MAP2K4: variants seen among roughly 807,000 people sequenced by gnomAD.
The protein encoded by MAP2K4 is dual specificity mitogen-activated protein kinase kinase 4.
In MAP2K4, 4 loss-of-function variants were observed where a neutral mutation model predicts 48.5. That is an observed-to-expected ratio of 0.08 (90% CI 0.04 to 0.19). MAP2K4 has a LOEUF of 0.19. Among genes scored for constraint, MAP2K4 ranks in the 10% least tolerant of loss-of-function variants. MAP2K4 has a pLI of 1.00. For synonymous variants in MAP2K4, 166 were observed against 173.1 expected, an observed-to-expected ratio of 0.96 and a Z score of 0.32; for missense variants, 258 against 493.3, an observed-to-expected ratio of 0.52 and a Z score of 4.52.
At chr17:12,029,436 A>T (rs1401807346) in intron 1 of MAP2K4, among the ~76,000 whole-genome samples, 1 of 152,214 alleles carries the variant, frequency 6.6e-6, no homozygotes, top group East Asian at 1.9e-4. Flanking sequence ...CCCTACTTGT[A>T]ATGGGGAAAA....
intron 7 of MAP2K4, among the ~76,000 whole-genome samples, chr17:12,113,946 A>G (rs894261915): frequency 6.6e-6 from 1 of 152,058 alleles, no homozygotes; most frequent in Non-Finnish European, 1.5e-5. Flanking sequence ...CTGGATTTTG[A>G]TCTGTATTTG....
chr17:12,141,175 A>G lies in MAP2K4; in HGVS notation c.1115A>G (p.Glu372Gly). 6.2e-7 allele frequency: 1 copy of G among 1,613,560 alleles called. No individual in the cohort carries two copies. Among genetic ancestry groups the G allele is most frequent in the East Asian group, 2.2e-5 (1 of 44,868 alleles). Residue 372 changes from glutamate to glycine, a missense_variant, in exon 11 of 11, where the codon GAA becomes GGA. Physicochemically the swap from Glu to Gly is moderately conservative, Grantham distance 98. Transcript: ENST00000353533. ...CATCCCTTTATTTTGATGTATGAAGAACGTGCCGTTGAGGTCGCATGCTAT... is the reference window on the plus strand; with the variant it reads ...CATCCCTTTATTTTGATGTATGAAGGACGTGCCGTTGAGGTCGCATGCTAT... ...LKHPFILMYE[E>G]RAVEVACYVC...
At position 12,056,888 on chromosome 17, in the gene MAP2K4, G is replaced by A. The variant is rs147805834; in HGVS notation, c.218+1897G>A. 1.8e-3 allele frequency among the ~76,000 whole-genome samples: 267 copies of A among 152,110 alleles called. 3 individuals carry two copies. The highest frequency in any genetic ancestry group is 6.8e-3 in the Middle Eastern group (2 of 294). ...GTAGTTTGTGGGAGTTTTGAAATAA[G>A]ATATCTCTTAACATTTATATGTTTT... On this transcript the variant is annotated intron_variant, in intron 2 of 10. Transcript: ENST00000353533.
chr17:12,100,919 T>C (rs1037849754), intron 4 of MAP2K4, among the ~76,000 whole-genome samples: 3 of 152,130 alleles, frequency 2.0e-5, no homozygotes, highest in Admixed American at 6.5e-5. Context: ...TTTTTTGTTA[T>C]TCGGTTTTGG....
intron 1 of MAP2K4, among the ~76,000 whole-genome samples, chr17:12,028,519 T>C (rs1488164491): frequency 6.6e-6 from 1 of 152,242 alleles, no homozygotes; most frequent in Non-Finnish European, 1.5e-5. Flanking sequence ...AGAGCCATAA[T>C]GATATACTAT....
At position 12,020,949 on chromosome 17, in the gene MAP2K4, C is replaced by T. The variant is rs757028890; in HGVS notation, c.63C>T (p.Pro21=). ...GGGGCGGCAGCGGCAGCGGCACCCC[C>T]GGCCCCGTAGGGTCCCCGGCGCCAG... The part of the protein sequence containing the change: ...GSGGGSGSGT[P]GPVGSPAPGH... Residue 21 remains proline, a synonymous_variant, in exon 1 of 11, where the codon CCC becomes CCT. Coordinates refer to ENST00000353533, the MANE Select transcript of MAP2K4 (RefSeq NM_003010.4). The T allele has an allele frequency of 6.0e-4, 731 of 1,217,542 alleles. 4 individuals carry two copies. In the African/African-American group the frequency reaches 8.6e-3, roughly 14 times the overall value. The allele number at this position is 1,217,542 out of a possible 1,614,324, so 75.4% of individuals were successfully genotyped here. A position where few individuals can be genotyped will look rare whatever the true frequency, so the allele number is the denominator to read the frequency against.
In MAP2K4 at chr17:12,078,863, T is replaced by C. The variant is rs564153493; in HGVS notation, c.219-2493T>C. 1.3e-4 allele frequency among the ~76,000 whole-genome samples: 20 copies of C among 152,294 alleles called. No individual in the cohort carries two copies. The East Asian group carries it at 3.5e-3, about 26-fold the overall frequency. On this transcript the variant is annotated intron_variant, in intron 2 of 10. Transcript: ENST00000353533. ...CTGTGTATAGTCCTGTGGAAGCCATTGTGGTTGTACCTACTGTTAAAGCAA... is the reference window on the plus strand; with the variant it reads ...CTGTGTATAGTCCTGTGGAAGCCATCGTGGTTGTACCTACTGTTAAAGCAA...
intron 7 of MAP2K4, 142 bp downstream of exon 7, chr17:12,113,502 A>T (rs1972376839): frequency 2.1e-6 from 2 of 938,118 alleles, no homozygotes; most frequent in South Asian, 4.9e-5. Flanking sequence ...CTCAGGTCCT[A>T]GCCTCTCCAT....
chr17:12,132,016 A>C (rs1202707080), intron 9 of MAP2K4, among the ~76,000 whole-genome samples: 4 of 152,210 alleles, frequency 2.6e-5, no homozygotes, highest in African/African-American at 9.6e-5. Flanking sequence ...GGAGACATGC[A>C]GGTCAGAACT....
chr17:12,087,403 G>A (rs1317031577), intron 3 of MAP2K4, among the ~76,000 whole-genome samples: 1 of 152,072 alleles, frequency 6.6e-6, no homozygotes, highest in Non-Finnish European at 1.5e-5. Flanking sequence ...TGGATGATGT[G>A]GTTAGTAAAG....
chr17:12,044,331 T>C (rs1420123189), intron 1 of MAP2K4, among the ~76,000 whole-genome samples: 2 of 152,170 alleles, frequency 1.3e-5, no homozygotes. Context: ...TTGGAGCAAA[T>C]GGGTACTTAG....
intron 8 of MAP2K4, 116 bp downstream of exon 8, chr17:12,125,487 G>T: frequency 7.8e-6 from 6 of 772,866 alleles, no homozygotes; most frequent in East Asian, 2.5e-5. Context: ...CAGACACTAT[G>T]GTTTTAAGTT....
chr17:12,098,280 C>A (rs1971825659), intron 4 of MAP2K4, among the ~76,000 whole-genome samples: 1 of 152,036 alleles, frequency 6.6e-6, no homozygotes, highest in African/African-American at 2.4e-5. Flanking sequence ...GAGCCCGAGA[C>A]CAGCCTGGCC....
At chr17:12,122,477 AAAAATATTTTCC>A (rs1255685476) in intron 7 of MAP2K4, among the ~76,000 whole-genome samples, 1 of 152,228 alleles carries the variant, frequency 6.6e-6, no homozygotes, top group Non-Finnish European at 1.5e-5. Flanking sequence ...GAGTGGAATT[AAAAATATTTTCC>A]AATATTTTGC....
intron 2 of MAP2K4, among the ~76,000 whole-genome samples, chr17:12,060,236 A>G (rs1023795924): frequency 1.3e-5 from 2 of 152,150 alleles, no homozygotes; most frequent in Admixed American, 1.3e-4. Flanking sequence ...CTGGATTTCT[A>G]TCCTGGTGTT....
intron 8 of MAP2K4, among the ~76,000 whole-genome samples, chr17:12,126,940 C>G (rs1972873339): frequency 6.6e-6 from 1 of 152,156 alleles, no homozygotes; most frequent in Non-Finnish European, 1.5e-5. Flanking sequence ...CATTTTCTCC[C>G]ATTTTCAGTT....
chr17:12,064,023 A>AGG (rs1970537294), intron 2 of MAP2K4, among the ~76,000 whole-genome samples: 1 of 135,016 alleles, frequency 7.4e-6, no homozygotes, highest in Non-Finnish European at 1.6e-5. Context: ...GAAGGGGGGG[A>AGG]GAGAGAGAGA....
Position 12,098,090 on chromosome 17 carries a change from A to G in MAP2K4, c.513+2396A>G, listed in dbSNP as rs1425163476. ...AAATATAGTTTTTCAATAGTTTTAC[A>G]ATAAAAGTGTAGTTTTACAATAAAA... On this transcript the variant is annotated intron_variant, in intron 4 of 10. Transcript: ENST00000353533. 6.6e-5 allele frequency among the ~76,000 whole-genome samples: 10 copies of G among 152,334 alleles called. No individual in the cohort carries two copies. The South Asian group carries it at 2.1e-3, about 32-fold the overall frequency.
At chr17:12,133,545 G>C (rs1263438726) in intron 9 of MAP2K4, among the ~76,000 whole-genome samples, 2 of 152,102 alleles carry the variant, frequency 1.3e-5, no homozygotes, top group African/African-American at 4.8e-5. Flanking sequence ...GCTCTCCTCA[G>C]ATCTCAGCCC....
Sources: gnomAD v4.1 joint callset for allele counts (sites outside exome capture counted in the v4.1 genomes callset) on GRCh38, gnomAD v4.1.1 for gene constraint, MANE v1.5 for transcripts, NCBI Gene and HGNC (gene_info 2026-07-23, HGNC 2026-07-21) for gene names.